Variants in AGBL4 observed in about 807,000 individuals in gnomAD.
AGBL4 encodes the protein AGBL carboxypeptidase 4.
Under a neutral mutation model 66.4 loss-of-function variants are expected in AGBL4, and 58 were observed. The observed-to-expected ratio is 0.87, with a 90% CI of 0.71 to 1.09. AGBL4 has a LOEUF of 1.09. AGBL4 is among the 50% of genes least tolerant of loss of function. AGBL4 has a pLI of 0.00. For synonymous variants in AGBL4, 234 were observed against 222.9 expected (o/e 1.05, Z -0.44); for missense variants, 579 against 631.0 (o/e 0.92, Z 0.88).
chr1:49,643,252 T>A (rs1645819534), intron 3 of AGBL4, among the ~76,000 whole-genome samples: 1 of 151,620 alleles, frequency 6.6e-6, no homozygotes, highest in Admixed American at 6.6e-5. Context: ...TTGGAAAGAT[T>A]AGCGATCTTA....
At chr1:48,931,576 G>A (rs1334080293) in intron 5 of AGBL4, among the ~76,000 whole-genome samples, 1 of 151,926 alleles carries the variant, frequency 6.6e-6, no homozygotes, top group African/African-American at 2.4e-5. Flanking sequence ...CTTGAGTGCA[G>A]TGGTGTGATC....
intron 4 of AGBL4, among the ~76,000 whole-genome samples, chr1:49,080,346 A>G (rs1366162995): frequency 6.6e-6 from 1 of 152,214 alleles, no homozygotes; most frequent in African/African-American, 2.4e-5. Context: ...ACCTGGAAGC[A>G]TAAAGAGAAA....
intron 5 of AGBL4, among the ~76,000 whole-genome samples, chr1:49,003,952 C>T (rs1000216849): frequency 6.6e-6 from 1 of 152,208 alleles, no homozygotes; most frequent in African/African-American, 2.4e-5. Flanking sequence ...TAGCTTCCCA[C>T]TGGGACTTTG....
chr1:49,861,720 G>A (rs760685620), intron 1 of AGBL4, among the ~76,000 whole-genome samples: 19 of 152,144 alleles, frequency 1.2e-4, no homozygotes, highest in Non-Finnish European at 1.9e-4. Context: ...TTAGAAAGTA[G>A]GGGAAAAGAT....
At chr1:49,860,965 A>C (rs1571735064) in intron 1 of AGBL4, among the ~76,000 whole-genome samples, 2 of 152,070 alleles carry the variant, frequency 1.3e-5, no homozygotes, top group African/African-American at 4.8e-5. Flanking sequence ...GCAGCTACAG[A>C]GTGGTGCAAA....
At chr1:49,975,104 T>G (rs1041782794) in intron 1 of AGBL4, among the ~76,000 whole-genome samples, 6 of 152,136 alleles carry the variant, frequency 3.9e-5, no homozygotes, top group African/African-American at 1.4e-4. Context: ...TAAAACAAAT[T>G]CAAATTTGAA....
At chr1:49,717,518 A>G (rs138983753) in intron 2 of AGBL4, among the ~76,000 whole-genome samples, 74 of 152,106 alleles carry the variant, frequency 4.9e-4, no homozygotes, top group African/African-American at 1.6e-3. Context: ...CACTTCCTCA[A>G]TAAGGCCAAC....
At chr1:49,499,946 C>G (rs1483870371) in intron 3 of AGBL4, among the ~76,000 whole-genome samples, 1 of 151,850 alleles carries the variant, frequency 6.6e-6, no homozygotes, top group Non-Finnish European at 1.5e-5. Flanking sequence ...TAAAGAATCC[C>G]CACACTGTTT....
At chr1:49,917,587 G>A (rs1217414385) in intron 1 of AGBL4, among the ~76,000 whole-genome samples, 1 of 152,100 alleles carries the variant, frequency 6.6e-6, no homozygotes, top group Non-Finnish European at 1.5e-5. Context: ...CATAAAGCAA[G>A]TCCTTAGAGA....
rs543624195 is a variant in AGBL4, at chr1:48,588,030, AG to A, written c.1105-865del. Among the ~76,000 whole-genome samples, 34 of 152,318 alleles carry A rather than the reference AG, an allele frequency of 2.2e-4. 1 individual carries two copies. Among genetic ancestry groups the A allele is most frequent in the African/African-American group, 7.5e-4 (31 of 41,576 alleles). ...TTGTTTCCCATGCAGTATCTCATTTAGGCTTCAAAATAACCACTTGAAGTAG... is the reference window on the plus strand; with the variant it reads ...TTGTTTCCCATGCAGTATCTCATTTAGCTTCAAAATAACCACTTGAAGTAG... On this transcript the variant is annotated intron_variant, in intron 10 of 13. Transcript: ENST00000371839.
rs538085729 is a variant in AGBL4, at chr1:49,098,972, C to T, written c.378-53172G>A. 1.9e-3 allele frequency among the ~76,000 whole-genome samples: 286 copies of T among 152,274 alleles called. 10 individuals are homozygous for T. In the South Asian group the frequency reaches 0.057, roughly 31 times the overall value. ...TAATTATGGAATATAATTTCCGGCA[C>T]GAGGTCTCAAGGCAGCTCCCTCCCA... On this transcript the variant is annotated intron_variant, in intron 4 of 13. Coordinates refer to ENST00000371839, the MANE Select transcript of AGBL4 (RefSeq NM_032785.4).
At chr1:48,930,640 T>C (rs558170371) in intron 5 of AGBL4, among the ~76,000 whole-genome samples, 3 of 152,310 alleles carry the variant, frequency 2.0e-5, no homozygotes, top group Non-Finnish European at 4.4e-5. Context: ...TCCTCATCTG[T>C]AGGATAAGGA....
intron 3 of AGBL4, among the ~76,000 whole-genome samples, chr1:49,455,168 T>C (rs1189317144): frequency 6.6e-6 from 1 of 151,414 alleles, no homozygotes; most frequent in Non-Finnish European, 1.5e-5. Context: ...TGTATGTATG[T>C]ATGAAAAGTA....
intron 2 of AGBL4, among the ~76,000 whole-genome samples, chr1:49,764,560 C>T (rs1287454910): frequency 6.6e-6 from 1 of 152,086 alleles, no homozygotes; most frequent in Non-Finnish European, 1.5e-5. Context: ...ATATGCTGTC[C>T]ATCAGGACGT....
intron 6 of AGBL4, among the ~76,000 whole-genome samples, chr1:48,674,902 A>G (rs551964815): frequency 6.6e-6 from 1 of 152,174 alleles, no homozygotes; most frequent in African/African-American, 2.4e-5. Flanking sequence ...TTCTGCTATT[A>G]TAGCAATTGC....
chr1:49,743,199 T>G lies in AGBL4; in HGVS notation c.158-45762A>C, dbSNP rs113120837. ...GGAATCTACAATTAACTCAAACACA[T>G]TTACAAGAAAAAAACAAACAACCCC... is the stretch of plus-strand genomic sequence containing the variant. On this transcript the variant is annotated intron_variant, in intron 2 of 13. Coordinates refer to ENST00000371839, the MANE Select transcript of AGBL4 (RefSeq NM_032785.4). 7.2e-5 allele frequency among the ~76,000 whole-genome samples: 11 copies of G among 152,162 alleles called. 1 individual carries two copies. The highest frequency in any genetic ancestry group is 2.6e-4 in the African/African-American group (11 of 41,512).
intron 3 of AGBL4, among the ~76,000 whole-genome samples, chr1:49,379,805 A>G (rs1372459854): frequency 6.6e-6 from 1 of 151,980 alleles, no homozygotes; most frequent in African/African-American, 2.4e-5. Flanking sequence ...GGATTTTTGC[A>G]TCAATGTTCA....
chr1:49,287,556 T>C (rs1368422449), intron 3 of AGBL4, among the ~76,000 whole-genome samples: 4 of 151,912 alleles, frequency 2.6e-5, no homozygotes, highest in African/African-American at 9.7e-5. Context: ...GGGCAAAGGA[T>C]ATGAACAGAC....
Position 49,263,621 on chromosome 1 carries a change from C to T in AGBL4, c.283-17757G>A, listed in dbSNP as rs182504181. ...CCATCATATCAGCAAAAAAGTAAAT[C>T]TAATATCAAGTATTAGCAAATCTAA... On this transcript the variant is annotated intron_variant, in intron 3 of 13. Transcript: ENST00000371839. Among the ~76,000 whole-genome samples the T allele has an allele frequency of 2.2e-3, 342 of 152,110 alleles. 2 individuals are homozygous for T. Among genetic ancestry groups the T allele is most frequent in the African/African-American group, 7.6e-3 (316 of 41,506 alleles).
Sources: gnomAD v4.1 joint callset for allele counts (sites outside exome capture counted in the v4.1 genomes callset) on GRCh38, gnomAD v4.1.1 for gene constraint, MANE v1.5 for transcripts, NCBI Gene and HGNC (gene_info 2026-07-23, HGNC 2026-07-21) for gene names.